USP31: variants seen among roughly 807,000 people sequenced by gnomAD.
USP31 encodes ubiquitin carboxyl-terminal hydrolase 31.
USP31 carries 44 observed loss-of-function variants against 119.4 expected under a neutral mutation model. The ratio of observed to expected loss-of-function variants is 0.37; its 90% CI spans 0.29 to 0.47. USP31 has a LOEUF of 0.47. Ranked by LOEUF, USP31 falls within the 20% of genes least tolerant of loss-of-function variation. The pLI is 0.99. For synonymous variants in USP31, 749 were observed against 705.6 expected (o/e 1.06, Z -0.97); for missense variants, 1,643 against 1,730.2 (o/e 0.95, Z 0.89).
At chr16:23,095,979 C>A (rs1901589405) in intron 6 of USP31, among the ~76,000 whole-genome samples, 1 of 152,188 alleles carries the variant, frequency 6.6e-6, no homozygotes, top group Admixed American at 6.5e-5. Flanking sequence ...ATAACAGGAT[C>A]AAATTCACAC....
chr16:23,128,690 G>A (rs1313460002), intron 1 of USP31, among the ~76,000 whole-genome samples: 1 of 152,116 alleles, frequency 6.6e-6, no homozygotes, highest in African/African-American at 2.4e-5. Context: ...ATAAATTAAC[G>A]GGTCAGGGAA....
intron 7 of USP31, among the ~76,000 whole-genome samples, chr16:23,088,971 C>T (rs1901233369): frequency 6.6e-6 from 1 of 152,234 alleles, no homozygotes; most frequent in African/African-American, 2.4e-5. Context: ...TGTTCGCTCA[C>T]AGTGGTGCTT....
At chr16:23,138,582 G>T (rs1903260777) in intron 1 of USP31, among the ~76,000 whole-genome samples, 1 of 152,124 alleles carries the variant, frequency 6.6e-6, no homozygotes, top group Admixed American at 6.5e-5. Flanking sequence ...TGGCACCGAA[G>T]GACTTCCAGA....
chr16:23,143,428 G>T (rs1379089040), intron 1 of USP31, among the ~76,000 whole-genome samples: 1 of 152,068 alleles, frequency 6.6e-6, no homozygotes, highest in African/African-American at 2.4e-5. Flanking sequence ...CCTTTAAAAT[G>T]GCATATTATG....
intron 1 of USP31, among the ~76,000 whole-genome samples, chr16:23,120,182 T>C (rs1214377771): frequency 2.0e-5 from 3 of 152,028 alleles, no homozygotes; most frequent in African/African-American, 7.2e-5. Context: ...TGACTTACAA[T>C]CAACACAAAA....
intron 14 of USP31, 94 bp downstream of exon 14, chr16:23,073,628 C>CA (rs1271769652): frequency 2.8e-6 from 4 of 1,420,624 alleles, no homozygotes; most frequent in Non-Finnish European, 3.8e-6. Flanking sequence ...ATCAAACTGA[C>CA]AGAGTCATGA....
chr16:23,098,460 T>C (rs1475355023), intron 6 of USP31, among the ~76,000 whole-genome samples: 2 of 152,074 alleles, frequency 1.3e-5, no homozygotes, highest in South Asian at 2.1e-4. Flanking sequence ...CTTCACAGAA[T>C]TGGAAAAAAC....
rs147216075 is a variant in USP31 at position 23,075,996 on chromosome 16, G to A, written c.2177-2116C>T. Among the ~76,000 whole-genome samples, 866 of 152,260 alleles carry A rather than the reference G, an allele frequency of 5.7e-3. 5 individuals are homozygous for A. Among genetic ancestry groups the A allele is most frequent in the Middle Eastern group, 0.017 (5 of 294 alleles). ...CCAGCTACTTGGGAAGCTGAGGTAGGAGGATCTTGAGCCCGGGAGGCTGGG... is the reference window on the plus strand; with the variant it reads ...CCAGCTACTTGGGAAGCTGAGGTAGAAGGATCTTGAGCCCGGGAGGCTGGG... On this transcript the variant is annotated intron_variant, in intron 13 of 15. Transcript: ENST00000219689.
intron 1 of USP31, among the ~76,000 whole-genome samples, chr16:23,141,068 C>T (rs886377345): frequency 6.6e-6 from 1 of 152,218 alleles, no homozygotes; most frequent in African/African-American, 2.4e-5. Flanking sequence ...CAAGATCATA[C>T]CAGGACTCTG....
Position 23,148,762 on chromosome 16 carries a change from G to C in USP31, c.509C>G (p.Pro170Arg). The change falls in exon 1 of 16, where the codon CCT becomes CGT. Residue 170 changes from proline to arginine, a missense_variant. Physicochemically the swap from Pro to Arg is moderately radical, Grantham distance 103. Around this residue, in one of 5 missense-constraint regions of USP31, gnomAD observed 302 missense variants for 262.6 expected, o/e 1.15. Transcript: ENST00000219689. ...QYRAGRPEPS[P>R]DPEQPAGRGA... The stretch of plus-strand genomic sequence containing the variant: ...GCGGCCCGCAGGCTGCTCCGGGTCA[G>C]GCGAGGGCTCGGGCCGCCCCGCCCG... 6.6e-7 allele frequency: 1 copy of C among 1,522,546 alleles called. No homozygotes were observed. 94.3% of individuals were successfully genotyped at this position (1,522,546 alleles called of 1,614,324 possible).
intron 2 of USP31, 106 bp from the exon 3 acceptor site, chr16:23,106,593 C>T (rs994506080): frequency 2.6e-6 from 3 of 1,147,420 alleles, no homozygotes; most frequent in Non-Finnish European, 3.7e-6. Flanking sequence ...ACAAGCTATG[C>T]ATCAAGTGCA....
At chr16:23,073,943 C>T in intron 13 of USP31, 63 bp from the exon 14 acceptor site, 1 of 1,605,398 alleles carries the variant, frequency 6.2e-7, no homozygotes, top group South Asian at 1.1e-5. Flanking sequence ...ATGCGACCCA[C>T]AGACACCATC....
At chr16:23,123,137 G>A (rs1902729556) in intron 1 of USP31, among the ~76,000 whole-genome samples, 2 of 152,250 alleles carry the variant, frequency 1.3e-5, no homozygotes, top group African/African-American at 4.8e-5. Flanking sequence ...TGTTAGAGAT[G>A]TCCTATTTCT....
chr16:23,149,364 G>T lies in USP31; in HGVS notation c.-94C>A. 1.0e-6 allele frequency: 1 copy of T among 989,586 alleles called. No individual in the cohort carries two copies. The highest frequency in any genetic ancestry group is 1.8e-5 in the African/African-American group (1 of 56,552). 61.3% of individuals were successfully genotyped at this position (989,586 alleles called of 1,614,324 possible). ...GCATCCCGCAGCGCCGCGCCTCACCGGGCCCGGGGGCTCGACGCCCCACAC... is the reference window on the plus strand; with the variant it reads ...GCATCCCGCAGCGCCGCGCCTCACCTGGCCCGGGGGCTCGACGCCCCACAC... On this transcript the variant is annotated 5_prime_UTR_variant, in exon 1 of 16. Transcript: ENST00000219689.
At chr16:23,087,055 G>C (rs1237129380) in intron 9 of USP31, 37 bp downstream of exon 9, 3 of 1,484,930 alleles carry the variant, frequency 2.0e-6, no homozygotes, top group Non-Finnish European at 2.8e-6. Context: ...ATATGTGTGA[G>C]ATTCTAAAAG....
intron 1 of USP31, among the ~76,000 whole-genome samples, chr16:23,146,192 C>T (rs1396698906): frequency 1.4e-5 from 2 of 139,556 alleles, no homozygotes; most frequent in Non-Finnish European, 3.0e-5. Context: ...TTTACAAATG[C>T]TGTGGCTACT....
intron 6 of USP31, among the ~76,000 whole-genome samples, chr16:23,094,639 G>A (rs914349735): frequency 6.6e-6 from 1 of 152,264 alleles, no homozygotes; most frequent in Admixed American, 6.5e-5. Flanking sequence ...TGTCTGGGAC[G>A]AAGCTTCCAG....
intron 1 of USP31, among the ~76,000 whole-genome samples, chr16:23,136,422 G>C (rs985549411): frequency 6.6e-6 from 1 of 152,192 alleles, no homozygotes; most frequent in Non-Finnish European, 1.5e-5. Context: ...GGAGGCCGAG[G>C]TGGGTGGATC....
chr16:23,106,021 G>C (rs1902086374), intron 4 of USP31, among the ~76,000 whole-genome samples, 192 bp downstream of exon 4: 1 of 152,106 alleles, frequency 6.6e-6, no homozygotes, highest in African/African-American at 2.4e-5. Flanking sequence ...GCCCCTGCTT[G>C]CCTCATGTGC....
Sources: gnomAD v4.1 joint callset for allele counts (sites outside exome capture counted in the v4.1 genomes callset) on GRCh38, gnomAD v4.1.1 for gene constraint, gnomAD v4.1.1 regional missense constraint, MANE v1.5 for transcripts, NCBI Gene and HGNC (gene_info 2026-07-23, HGNC 2026-07-21) for gene names.